The following WARS2 variants were observed in gnomAD, a reference collection of about 807,000 sequenced individuals.
The protein encoded by WARS2 is tryptophan--tRNA ligase, mitochondrial.
A neutral mutation model predicts 36.5 loss-of-function variants in WARS2; 28 were observed. That is an observed-to-expected ratio of 0.77 (90% CI 0.57 to 1.05). The LOEUF (loss-of-function observed/expected upper bound fraction) is 1.05, where lower values mean the gene tolerates loss of function less well. Ranked by LOEUF, WARS2 falls within the 50% of genes least tolerant of loss-of-function variation. The pLI is 0.00. For synonymous variants in WARS2, 174 were observed against 178.4 expected (o/e 0.98, Z 0.20); for missense variants, 435 against 456.8 (o/e 0.95, Z 0.44).
chr1:119,036,207 C>CAAAAAA (rs1647873292), intron 4 of WARS2, among the ~76,000 whole-genome samples: 2 of 127,150 alleles, frequency 1.6e-5, no homozygotes, highest in East Asian at 3.5e-4. Context: ...AACTCTGCCT[C>CAAAAAA]GAAAAATAAA....
At chr1:119,039,814 A>ATT (rs967503706) in intron 4 of WARS2, among the ~76,000 whole-genome samples, 1 of 152,108 alleles carries the variant, frequency 6.6e-6, no homozygotes, top group Middle Eastern at 3.2e-3. Flanking sequence ...AAACACTAAT[A>ATT]TTTGGCTTGC....
chr1:119,113,922 G>A (rs1654806020), intron 1 of WARS2, among the ~76,000 whole-genome samples: 1 of 151,986 alleles, frequency 6.6e-6, no homozygotes, highest in Non-Finnish European at 1.5e-5. Flanking sequence ...CTAAATACTT[G>A]CTTGAGGTAA....
rs1477272668 is a variant in WARS2 at position 119,076,420 on chromosome 1, A to G, written c.278T>C (p.Leu93Pro). Residue 93 changes from leucine to proline, a missense_variant, in exon 2 of 6, where the codon CTG becomes CCG. Physicochemically the swap from Leu to Pro is moderately conservative, Grantham distance 98 (BLOSUM62 -3). Coordinates refer to ENST00000235521, the MANE Select transcript of WARS2 (RefSeq NM_015836.4). ...GGCAAGAAGAACAGCAGTCATGTCC[A>G]GGATGCTCTGCCGAAGGACAGCTGG... ...QDPAVLRQSILDMTAVLLACG... is the reference protein window; with the variant it reads ...QDPAVLRQSIPDMTAVLLACG... 2.5e-6 allele frequency: 4 copies of G among 1,614,056 alleles called. No individual in the cohort carries two copies. Among genetic ancestry groups the G allele is most frequent in the Non-Finnish European group, 3.4e-6 (4 of 1,180,030 alleles).
intron 4 of WARS2, 36 bp from the exon 5 acceptor site, chr1:119,034,249 GCT>G (rs2101097880): frequency 6.5e-7 from 1 of 1,546,548 alleles, no homozygotes; most frequent in East Asian, 2.3e-5. Context: ...CAACAGCAAG[GCT>G]CTTTCTTAGA....
At position 119,074,438 on chromosome 1, in the gene WARS2, A is replaced by G. The variant is rs1010733775; in HGVS notation, c.348+1912T>C. Among the ~76,000 whole-genome samples the G allele has an allele frequency of 6.6e-5, 10 of 152,246 alleles. No individual in the cohort carries two copies. The South Asian group carries it at 8.3e-4, about 13-fold the overall frequency. ...GAGCAGAAATTAAATGAATGAATGGAAACTATATGGAGGTAGATATTTGGT... is the reference window on the plus strand; with the variant it reads ...GAGCAGAAATTAAATGAATGAATGGGAACTATATGGAGGTAGATATTTGGT... On this transcript the variant is annotated intron_variant, in intron 2 of 5. Transcript: ENST00000235521.
intron 1 of WARS2, among the ~76,000 whole-genome samples, chr1:119,115,594 T>C (rs1211030535): frequency 2.0e-5 from 3 of 152,196 alleles, no homozygotes; most frequent in African/African-American, 4.8e-5. Context: ...CTAACCTTAA[T>C]GGATGTGAAG....
chr1:119,089,711 G>A (rs1373008330), intron 1 of WARS2, among the ~76,000 whole-genome samples: 1 of 152,150 alleles, frequency 6.6e-6, no homozygotes, highest in East Asian at 1.9e-4. Flanking sequence ...ACACAAGAAT[G>A]TAAGAAGATC....
At chr1:119,070,304 C>T (rs992504815) in intron 2 of WARS2, among the ~76,000 whole-genome samples, 1 of 152,146 alleles carries the variant, frequency 6.6e-6, no homozygotes, top group East Asian at 1.9e-4. Context: ...CTCTGTCACC[C>T]AGGCTGGAGT....
chr1:119,042,452 T>C (rs1648455312), intron 3 of WARS2, 103 bp from the exon 4 acceptor site: 2 of 965,498 alleles, frequency 2.1e-6, no homozygotes, highest in Non-Finnish European at 1.6e-6. Context: ...AATTGTGATC[T>C]GAAGCCACCT....
At chr1:119,135,702 T>C (rs1656434378) in intron 1 of WARS2, among the ~76,000 whole-genome samples, 1 of 149,116 alleles carries the variant, frequency 6.7e-6, no homozygotes, top group South Asian at 2.1e-4. Context: ...TAGAGATAGA[T>C]AGATTAGATA....
intron 1 of WARS2, chr1:119,085,607 G>C: frequency 6.7e-7 from 1 of 1,499,334 alleles, no homozygotes; most frequent in Admixed American, 1.7e-5. Flanking sequence ...CCTTAGGAAC[G>C]CAATAGTTAG....
chr1:119,050,349 C>T (rs1649239830), intron 2 of WARS2, among the ~76,000 whole-genome samples: 1 of 152,190 alleles, frequency 6.6e-6, no homozygotes, highest in African/African-American at 2.4e-5. Flanking sequence ...CAATCCCACT[C>T]CCAGTTCTCC....
At chr1:119,039,273 T>C (rs1648141478) in intron 4 of WARS2, among the ~76,000 whole-genome samples, 1 of 152,178 alleles carries the variant, frequency 6.6e-6, no homozygotes, top group Non-Finnish European at 1.5e-5. Flanking sequence ...TAGTGCCCTT[T>C]TTCCGGATCA....
chr1:119,085,183 C>T, intron 1 of WARS2: 2 of 807,598 alleles, frequency 2.5e-6, no homozygotes, highest in South Asian at 2.7e-5. Flanking sequence ...CTGGTCTTTT[C>T]TTCTCTTGCC....
In WARS2 at chr1:119,031,369, A is replaced by C. The variant is rs912463686; in HGVS notation, c.*1542T>G. On this transcript the variant is annotated 3_prime_UTR_variant, in exon 6 of 6. Coordinates refer to ENST00000235521, the MANE Select transcript of WARS2 (RefSeq NM_015836.4). ...CATCCCATTCCAGTATAAGATACAA[A>C]AGGCAAAATGTTTCCTTTACCCATG... The C allele has an allele frequency of 6.6e-6, 1 of 152,212 alleles. No homozygotes were observed. The highest frequency in any genetic ancestry group is 1.5e-5 in the Non-Finnish European group (1 of 68,044). 9.4% of individuals were successfully genotyped at this position (152,212 alleles called of 1,614,324 possible).
chr1:119,120,759 T>C (rs1571388503), intron 1 of WARS2, among the ~76,000 whole-genome samples: 1 of 152,106 alleles, frequency 6.6e-6, no homozygotes, highest in Non-Finnish European at 1.5e-5. Flanking sequence ...ATAAACGTAA[T>C]GATATACCAC....
At position 119,042,258 on chromosome 1, in the gene WARS2, T is replaced by C. The variant is rs1228249507; in HGVS notation, c.515+6A>G. 1.3e-5 allele frequency: 21 copies of C among 1,613,564 alleles called. No individual in the cohort carries two copies. The highest frequency in any genetic ancestry group is 1.8e-5 in the Non-Finnish European group (21 of 1,179,720). ...TGTATAAGACTGGGCTGAACTCTCT[T>C]CTTACTTGTACAACAGAATGTCGGC... On this transcript the variant is annotated splice_donor_region_variant and intron_variant, in intron 4 of 5. Coordinates refer to ENST00000235521, the MANE Select transcript of WARS2 (RefSeq NM_015836.4).
At chr1:119,040,287 T>C (rs749598324) in intron 4 of WARS2, among the ~76,000 whole-genome samples, 1 of 152,180 alleles carries the variant, frequency 6.6e-6, no homozygotes, top group Admixed American at 6.5e-5. Flanking sequence ...TGTAAAGCAA[T>C]GGAATTAAAG....
At chr1:119,053,984 G>A (rs1212379622) in intron 2 of WARS2, among the ~76,000 whole-genome samples, 1 of 151,980 alleles carries the variant, frequency 6.6e-6, no homozygotes. Flanking sequence ...TTGAGCCCAG[G>A]TGGTCAAGGC....
Sources: allele counts gnomAD v4.1 joint callset (sites outside exome capture counted in the v4.1 genomes callset), GRCh38; gene constraint gnomAD v4.1.1; transcripts MANE v1.5; gene names NCBI Gene and HGNC (gene_info 2026-07-23, HGNC 2026-07-21).